The following ASPH variants were observed in gnomAD, a reference collection of about 807,000 sequenced individuals.
ASPH encodes the protein aspartate beta-hydroxylase.
Under a neutral mutation model 118.4 loss-of-function variants are expected in ASPH, and 100 were observed. The ratio of observed to expected loss-of-function variants is 0.84; its 90% CI spans 0.72 to 1.00. The LOEUF is 1.00. Among genes scored for constraint, ASPH ranks in the 50% least tolerant of loss-of-function variants. The pLI is 0.00. For missense variants in ASPH, 920 were observed against 919.5 expected, an observed-to-expected ratio of 1.00 and a Z score of -0.01; for synonymous variants, 315 against 325.6, an observed-to-expected ratio of 0.97 and a Z score of 0.35.
rs1290615466 is a variant in ASPH at position 61,578,608 on chromosome 8, A to G, written c.1063-1750T>C. 51 of 1,537,348 alleles carry G rather than the reference A, an allele frequency of 3.3e-5. No individual in the cohort carries two copies. In the East Asian group the frequency reaches 1.1e-3, roughly 34 times the overall value. ...AAGTGGAGCCTCCTGCAGCAGCAGA[A>G]GATGGCTCGGAGCAACATGGACAAC... On this transcript the variant is annotated intron_variant, in intron 15 of 24. Coordinates refer to ENST00000379454, the MANE Select transcript of ASPH (RefSeq NM_004318.4).
intron 14 of ASPH, among the ~76,000 whole-genome samples, chr8:61,589,495 G>A (rs1269995760): frequency 2.6e-5 from 4 of 152,128 alleles, no homozygotes; most frequent in East Asian, 3.9e-4. Flanking sequence ...CCCAACATGC[G>A]AATCTAGACC....
chr8:61,706,188 C>T (rs1434566288), intron 1 of ASPH, among the ~76,000 whole-genome samples: 1 of 150,848 alleles, frequency 6.6e-6, no homozygotes, highest in African/African-American at 2.4e-5. Context: ...TTTGGGAAGT[C>T]GAGATGAGCA....
intron 3 of ASPH, among the ~76,000 whole-genome samples, chr8:61,677,248 AT>A (rs1563540094): frequency 6.6e-6 from 1 of 152,108 alleles, no homozygotes; most frequent in Admixed American, 6.6e-5. Context: ...TGTTTTCATC[AT>A]TTGTTTTTTT....
At position 61,644,601 on chromosome 8, in the gene ASPH, T is replaced by C. The variant is rs751204078; in HGVS notation, c.651A>G (p.Thr217=). The C allele has an allele frequency of 3.8e-6, 6 of 1,583,250 alleles. No individual in the cohort carries two copies. The highest frequency in any genetic ancestry group is 8.6e-7 in the Non-Finnish European group (1 of 1,165,672). The part of the protein sequence containing the change: ...ETEHSYHVEE[T]VSQDCNQDME... Reference sequence around the variant, plus strand: ...AACAGAATTAAATTAAAATCTCACCTGTCTCTTCCACGTGGTAACTATGCT... The same window carrying C: ...AACAGAATTAAATTAAAATCTCACCCGTCTCTTCCACGTGGTAACTATGCT... The change falls in exon 7 of 25, where the codon ACA becomes ACG. Residue 217 remains threonine (T), a splice_region_variant and synonymous_variant. Coordinates refer to ENST00000379454, the MANE Select transcript of ASPH (RefSeq NM_004318.4).
At chr8:61,592,358 C>T (rs534114806) in intron 14 of ASPH, among the ~76,000 whole-genome samples, 1 of 152,304 alleles carries the variant, frequency 6.6e-6, no homozygotes, top group South Asian at 2.1e-4. Flanking sequence ...ATCAGATTTT[C>T]TCTATGATCA....
At chr8:61,680,472 A>T (rs1748744241) in intron 3 of ASPH, 2 of 151,876 alleles carry the variant, frequency 1.3e-5, no homozygotes, top group South Asian at 4.1e-4. Flanking sequence ...ACACTGGGTC[A>T]AAAGACCAGG....
rs1563473803 is a variant in ASPH, at chr8:61,665,662, C to A, written c.323-12002G>T. 266 of 1,493,534 alleles carry A rather than the reference C, an allele frequency of 1.8e-4. 3 individuals carry two copies. The East Asian group carries it at 6.0e-3, about 34-fold the overall frequency. 92.5% of individuals were successfully genotyped at this position (1,493,534 alleles called of 1,614,324 possible). A position where few individuals can be genotyped will look rare whatever the true frequency, so the allele number is the denominator to read the frequency against. On this transcript the variant is annotated intron_variant, in intron 3 of 24. Transcript: ENST00000379454. ...GTTTATTGACAGGATCTCTTAATCA[C>A]AGAACAGGAAGTTAGTGAAAAGGTA...
At chr8:61,650,672 C>A (rs1182579224) in intron 5 of ASPH, among the ~76,000 whole-genome samples, 5 of 152,080 alleles carry the variant, frequency 3.3e-5, no homozygotes, top group African/African-American at 4.8e-5. Context: ...GTTGTGGTGA[C>A]CAGCCAACCA....
chr8:61,653,419 T>C, intron 4 of ASPH, 149 bp downstream of exon 4: 1 of 710,298 alleles, frequency 1.4e-6, no homozygotes, highest in South Asian at 2.1e-5. Flanking sequence ...ACTAGAAAAA[T>C]ACTACATAAT....
intron 4 of ASPH, 44 bp from the exon 5 acceptor site, chr8:61,651,168 T>C: frequency 6.6e-7 from 1 of 1,504,878 alleles, no homozygotes; most frequent in African/African-American, 1.4e-5. Context: ...AGCTCAAACA[T>C]CAACATGGAC....
intron 9 of ASPH, 147 bp downstream of exon 9, chr8:61,643,239 A>C: frequency 1.3e-6 from 1 of 749,836 alleles, no homozygotes; most frequent in Admixed American, 3.3e-5. Flanking sequence ...ATAACAGTCT[A>C]ACTTTGTTAT....
chr8:61,713,434 CAA>C (rs934882921), intron 1 of ASPH, among the ~76,000 whole-genome samples: 31 of 152,162 alleles, frequency 2.0e-4, no homozygotes, highest in African/African-American at 7.5e-4. Flanking sequence ...TCTCAGAAAA[CAA>C]AGAGTCTAAA....
At position 61,509,156 on chromosome 8, in the gene ASPH, A is replaced by G. The variant is rs538626318; in HGVS notation, c.2127-5647T>C. ...AAGGGGAAAAGGGAAAGAAAAAGTC[A>G]TAGTGTTACTGGAAAGGAGCCCTGA... On this transcript the variant is annotated intron_variant, in intron 24 of 24. Coordinates refer to ENST00000379454, the MANE Select transcript of ASPH (RefSeq NM_004318.4). Among the ~76,000 whole-genome samples the G allele has an allele frequency of 1.8e-4, 27 of 152,306 alleles. No homozygotes were observed. The South Asian group carries it at 5.2e-3, about 29-fold the overall frequency.
At chr8:61,696,642 T>C (rs1430103587) in intron 1 of ASPH, among the ~76,000 whole-genome samples, 4 of 143,512 alleles carry the variant, frequency 2.8e-5, no homozygotes, top group East Asian at 2.1e-4. Flanking sequence ...GAGCACTCAA[T>C]AGAGAAGACG....
chr8:61,663,876 GTACAA>G (rs1345940098), intron 3 of ASPH: 22 of 952,578 alleles, frequency 2.3e-5, no homozygotes, highest in African/African-American at 8.9e-5. Flanking sequence ...AGAAAAAGGT[GTACAA>G]TACATTTAGA....
intron 3 of ASPH, among the ~76,000 whole-genome samples, chr8:61,677,201 AAC>A (rs1825827193): frequency 6.6e-6 from 1 of 152,176 alleles, no homozygotes; most frequent in Non-Finnish European, 1.5e-5. Flanking sequence ...TTGGACCCCA[AAC>A]AGGCCTTAGG....
At chr8:61,625,976 G>A (rs1852616844) in intron 13 of ASPH, 1 of 1,163,850 alleles carries the variant, frequency 8.6e-7, no homozygotes, top group African/African-American at 1.6e-5. Context: ...CATAAATTCA[G>A]GTAAGACTAA....
At chr8:61,647,350 G>A (rs897586896) in intron 5 of ASPH, among the ~76,000 whole-genome samples, 1 of 152,120 alleles carries the variant, frequency 6.6e-6, no homozygotes, top group Non-Finnish European at 1.5e-5. Flanking sequence ...ATATTCTATA[G>A]CAAAGAGTGA....
At chr8:61,593,109 G>A (rs1312694694) in intron 14 of ASPH, among the ~76,000 whole-genome samples, 1 of 152,136 alleles carries the variant, frequency 6.6e-6, no homozygotes, top group African/African-American at 2.4e-5. Flanking sequence ...CCTCACACTG[G>A]GGTCTGAAAT....
Sources: gnomAD v4.1 joint callset for allele counts (sites outside exome capture counted in the v4.1 genomes callset) on GRCh38, gnomAD v4.1.1 for gene constraint, MANE v1.5 for transcripts, NCBI Gene and HGNC (gene_info 2026-07-23, HGNC 2026-07-21) for gene names.